Variants in CDH10 observed in about 807,000 individuals in gnomAD.
CDH10 encodes cadherin-10.
Under a neutral mutation model 73.1 loss-of-function variants are expected in CDH10, and 30 were observed. The ratio of observed to expected loss-of-function variants is 0.41; its 90% CI spans 0.31 to 0.56. The LOEUF is 0.56. Ranked by LOEUF, CDH10 falls within the 20% of genes least tolerant of loss-of-function variation. The pLI, the probability that CDH10 is intolerant of heterozygous loss-of-function variation, is 0.27. For missense variants in CDH10, 815 were observed against 973.7 expected, an observed-to-expected ratio of 0.84 and a Z score of 2.17; for synonymous variants, 345 against 348.2, an observed-to-expected ratio of 0.99 and a Z score of 0.10.
chr5:24,539,490 A>G (rs1236467392), intron 2 of CDH10, among the ~76,000 whole-genome samples: 1 of 152,120 alleles, frequency 6.6e-6, no homozygotes, highest in South Asian at 2.1e-4. Flanking sequence ...AAAGCAGTCT[A>G]CTTTTTGGTT....
intron 9 of CDH10, among the ~76,000 whole-genome samples, chr5:24,494,602 T>C (rs180932192): frequency 2.0e-4 from 31 of 152,124 alleles, no homozygotes; most frequent in Admixed American, 1.8e-3. Context: ...TATTTTCCCT[T>C]AAAATAAATT....
intron 1 of CDH10, among the ~76,000 whole-genome samples, chr5:24,632,054 C>A (rs1561206424): frequency 6.6e-6 from 1 of 152,000 alleles, no homozygotes; most frequent in Non-Finnish European, 1.5e-5. Flanking sequence ...CTATGAAAAT[C>A]TCCCTTATCA....
intron 1 of CDH10, among the ~76,000 whole-genome samples, chr5:24,605,048 T>C (rs185442934): frequency 6.6e-6 from 1 of 152,152 alleles, no homozygotes; most frequent in East Asian, 1.9e-4. Flanking sequence ...GCAAAGAACT[T>C]GAACAGACAT....
At chr5:24,606,408 C>A (rs1368069123) in intron 1 of CDH10, among the ~76,000 whole-genome samples, 1 of 152,104 alleles carries the variant, frequency 6.6e-6, no homozygotes, top group African/African-American at 2.4e-5. Flanking sequence ...GTCAGGAGTT[C>A]GAGACCAGCT....
At chr5:24,616,206 C>T (rs1377433016) in intron 1 of CDH10, among the ~76,000 whole-genome samples, 1 of 151,352 alleles carries the variant, frequency 6.6e-6, no homozygotes, top group Non-Finnish European at 1.5e-5. Flanking sequence ...AGTAAACTTC[C>T]ATTTTCTCAT....
chr5:24,604,478 T>C (rs1040630799), intron 1 of CDH10, among the ~76,000 whole-genome samples: 6 of 152,170 alleles, frequency 3.9e-5, no homozygotes, highest in Non-Finnish European at 2.9e-5. Flanking sequence ...TTTGAGATGA[T>C]ACCTAAATCA....
rs371944787 is a variant in CDH10 at position 24,625,547 on chromosome 5, GTA to G, written c.-124+19045_-124+19046del. Reference sequence around the variant, plus strand: ...CTGAGATCAATCTATTTATCTATCTGTATATATATATATATTCATATATATAC... The same window carrying G: ...CTGAGATCAATCTATTTATCTATCTGTATATATATATATTCATATATATAC... On this transcript the variant is annotated intron_variant, in intron 1 of 11. Transcript: ENST00000264463. Among the ~76,000 whole-genome samples, 856 of 90,278 alleles carry G rather than the reference GTA, an allele frequency of 9.5e-3. 9 individuals carry two copies. Among genetic ancestry groups the G allele is most frequent in the South Asian group, 0.034 (94 of 2,726 alleles). The allele number at this position is 90,278 out of a possible 152,430, so 59.2% of individuals were successfully genotyped here. A position where few individuals can be genotyped will look rare whatever the true frequency, so the allele number is the denominator to read the frequency against.
At chr5:24,542,799 G>A (rs1744204449) in intron 2 of CDH10, among the ~76,000 whole-genome samples, 1 of 152,084 alleles carries the variant, frequency 6.6e-6, no homozygotes, top group East Asian at 1.9e-4. Context: ...GTCTTCACAT[G>A]GCAGAAGGGC....
At chr5:24,526,508 C>A (rs1408583957) in intron 5 of CDH10, among the ~76,000 whole-genome samples, 2 of 151,810 alleles carry the variant, frequency 1.3e-5, no homozygotes, top group Non-Finnish European at 2.9e-5. Context: ...CTGCAGGGAT[C>A]TCAATTCAAA....
chr5:24,642,483 C>T (rs558613809), intron 1 of CDH10, among the ~76,000 whole-genome samples: 1 of 152,044 alleles, frequency 6.6e-6, no homozygotes, highest in African/African-American at 2.4e-5. Context: ...AAAAACATAC[C>T]TCTTCCAGAT....
intron 1 of CDH10, among the ~76,000 whole-genome samples, chr5:24,631,636 T>G (rs895914412): frequency 2.0e-5 from 3 of 151,864 alleles, no homozygotes; most frequent in African/African-American, 7.3e-5. Flanking sequence ...CTCATCCACA[T>G]TTTCCTGAAA....
chr5:24,632,337 CATTTCA>C (rs10548047), intron 1 of CDH10, among the ~76,000 whole-genome samples: 151,402 of 151,952 alleles, frequency 1, 75,428 homozygotes, highest in Middle Eastern at 1. Context: ...TTATATACAC[CATTTCA>C]ATTTCAATTT....
chr5:24,500,946 T>G lies in CDH10; in HGVS notation c.1394-2427A>C, dbSNP rs1406207443. Among the ~76,000 whole-genome samples, 3 of 152,134 alleles carry G rather than the reference T, an allele frequency of 2.0e-5. No individual in the cohort carries two copies. In the East Asian group the frequency reaches 5.8e-4, roughly 29 times the overall value. On this transcript the variant is annotated intron_variant, in intron 8 of 11. Transcript: ENST00000264463. ...GGGAAAATAAAAAGGAGAAAAATGC[T>G]ATCTCATTATTTTCCACTTCCTCTA...
At chr5:24,578,901 T>A (rs1401535461) in intron 2 of CDH10, among the ~76,000 whole-genome samples, 1 of 152,100 alleles carries the variant, frequency 6.6e-6, no homozygotes, top group Non-Finnish European at 1.5e-5. Flanking sequence ...TACAGGGAAA[T>A]ATCTTGTATA....
intron 2 of CDH10, among the ~76,000 whole-genome samples, chr5:24,586,060 T>A (rs1167483081): frequency 6.6e-6 from 1 of 152,172 alleles, no homozygotes; most frequent in Non-Finnish European, 1.5e-5. Context: ...AATTTGATGA[T>A]GTAAGTTAAG....
chr5:24,553,754 C>A (rs1426906791), intron 2 of CDH10, among the ~76,000 whole-genome samples: 3 of 152,022 alleles, frequency 2.0e-5, no homozygotes, highest in Non-Finnish European at 4.4e-5. Flanking sequence ...CTATTGAATC[C>A]CCATCAAGAT....
intron 9 of CDH10, 108 bp downstream of exon 9, chr5:24,498,290 A>G (rs944626311): frequency 1.5e-6 from 1 of 647,802 alleles, no homozygotes; most frequent in Non-Finnish European, 2.7e-6. Context: ...TTGGGACTCT[A>G]TATGAGTATT....
intron 1 of CDH10, among the ~76,000 whole-genome samples, chr5:24,605,392 C>T (rs1015633944): frequency 2.6e-5 from 4 of 152,172 alleles, no homozygotes; most frequent in African/African-American, 9.7e-5. Context: ...GGAGTAGGAA[C>T]TTTATTATGA....
At chr5:24,504,426 T>TTTGCC (rs1742606514) in intron 8 of CDH10, among the ~76,000 whole-genome samples, 1 of 151,228 alleles carries the variant, frequency 6.6e-6, no homozygotes, top group South Asian at 2.1e-4. Flanking sequence ...ACATTTCAGT[T>TTTGCC]TTGCCACTTC....
Sources: allele counts gnomAD v4.1 joint callset (sites outside exome capture counted in the v4.1 genomes callset), GRCh38; gene constraint gnomAD v4.1.1; transcripts MANE v1.5; gene names NCBI Gene and HGNC (gene_info 2026-07-23, HGNC 2026-07-21).